SFMBT2: variants seen among roughly 807,000 people sequenced by gnomAD.
The protein encoded by SFMBT2 is Scm like with four mbt domains 2, also known as scm-like with four MBT domains protein 2.
A neutral mutation model predicts 110.1 loss-of-function variants in SFMBT2; 38 were observed. The ratio of observed to expected loss-of-function variants is 0.35; its 90% CI spans 0.27 to 0.45. The LOEUF is 0.45. Ranked by LOEUF, SFMBT2 falls within the 20% of genes least tolerant of loss-of-function variation. The probability of loss-of-function intolerance (pLI) is 1.00; values close to 1 mark genes in which losing one functional copy is unlikely to be tolerated. For synonymous variants in SFMBT2, 425 were observed against 425.4 expected (o/e 1.00, Z 0.01); for missense variants, 1,011 against 1,094.9 (o/e 0.92, Z 1.08).
In SFMBT2 at chr10:7,276,948, G is replaced by C. The variant is rs748506762; in HGVS notation, c.814C>G (p.Leu272Val). 1 of 872,942 alleles carries C rather than the reference G, an allele frequency of 1.1e-6. No individual in the cohort carries two copies. Among genetic ancestry groups the C allele is most frequent in the East Asian group, 2.4e-5 (1 of 41,708 alleles). 54.1% of individuals were successfully genotyped at this position (872,942 alleles called of 1,614,324 possible). The part of the protein sequence containing the change: ...LKMASEWKCT[L>V]EKSLIDAAKF... ...GCAGCATCAATAAGGGATTTTTCCA[G>C]AGTACATTTCCATTCAGAGGCCATC... Residue 272 changes from leucine (L) to valine (V), a missense_variant, in exon 7 of 21, where the codon CTG becomes GTG. Physicochemically the swap from Leu to Val is conservative, Grantham distance 32. Transcript: ENST00000397167.
intron 7 of SFMBT2, among the ~76,000 whole-genome samples, chr10:7,251,829 G>C (rs528123557): frequency 6.6e-6 from 1 of 152,242 alleles, no homozygotes; most frequent in South Asian, 2.1e-4. Context: ...CCAGCCACAG[G>C]CACAGGGTGA....
chr10:7,399,147 T>C (rs1396407480), intron 1 of SFMBT2, among the ~76,000 whole-genome samples: 1 of 152,230 alleles, frequency 6.6e-6, no homozygotes, highest in Admixed American at 6.5e-5. Flanking sequence ...CCCTCGCCTG[T>C]GGAGCCCTGC....
intron 4 of SFMBT2, among the ~76,000 whole-genome samples, chr10:7,296,993 G>T (rs1442299094): frequency 6.6e-6 from 1 of 152,182 alleles, no homozygotes; most frequent in South Asian, 2.1e-4. Flanking sequence ...CTGCCTGCTG[G>T]CCTGCCCAGT....
chr10:7,224,478 C>T (rs1471475040), intron 10 of SFMBT2, among the ~76,000 whole-genome samples: 1 of 152,118 alleles, frequency 6.6e-6, no homozygotes, highest in African/African-American at 2.4e-5. Flanking sequence ...CCAGAGAGAC[C>T]ATGAATTTTA....
rs1310390493 is a variant in SFMBT2 at position 7,161,660 on chromosome 10, A to G, written c.*2110T>C. ...CCTCCCATCTGAGGTCCCCAGGCAG[A>G]TGCATCAGCCGAACTCTAAAACTTG... On this transcript the variant is annotated 3_prime_UTR_variant, in exon 21 of 21. Transcript: ENST00000397167. The G allele has an allele frequency of 6.6e-6, 1 of 152,198 alleles. No homozygotes were observed. Among genetic ancestry groups the G allele is most frequent in the Non-Finnish European group, 1.5e-5 (1 of 68,034 alleles). 9.4% of individuals were successfully genotyped at this position (152,198 alleles called of 1,614,324 possible).
chr10:7,393,215 G>A (rs898933557), intron 1 of SFMBT2, among the ~76,000 whole-genome samples: 1 of 151,466 alleles, frequency 6.6e-6, no homozygotes, highest in Admixed American at 6.6e-5. Context: ...ATTTTTCGTA[G>A]AGACGGCATT....
intron 11 of SFMBT2, among the ~76,000 whole-genome samples, chr10:7,209,756 T>C (rs947450798): frequency 6.6e-6 from 1 of 152,254 alleles, no homozygotes. Flanking sequence ...AAGGAACCAG[T>C]TGGCTGGAGG....
intron 1 of SFMBT2, among the ~76,000 whole-genome samples, chr10:7,399,023 A>T (rs982442195): frequency 1.3e-5 from 2 of 152,206 alleles, no homozygotes; most frequent in African/African-American, 4.8e-5. Context: ...GATGCTTGAG[A>T]GGTGCCACAA....
intron 11 of SFMBT2, among the ~76,000 whole-genome samples, chr10:7,214,192 C>T (rs112090845): frequency 1.7e-4 from 26 of 152,186 alleles, no homozygotes; most frequent in Non-Finnish European, 2.6e-4. Flanking sequence ...AGAATATATG[C>T]GATCCTTCTT....
Position 7,314,150 on chromosome 10 carries a change from T to C in SFMBT2, c.437-28196A>G, listed in dbSNP as rs568869105. 4.6e-5 allele frequency among the ~76,000 whole-genome samples: 7 copies of C among 152,352 alleles called. No individual in the cohort carries two copies. The South Asian group carries it at 1.2e-3, about 27-fold the overall frequency. On this transcript the variant is annotated intron_variant, in intron 4 of 20. Coordinates refer to ENST00000397167, the MANE Select transcript of SFMBT2 (RefSeq NM_001387889.1). Reference sequence around the variant, plus strand: ...TTAGTAAGAGTCTAATTTAGAATCATTGCACGTTAGGATTTACTCTTATAT... The same window carrying C: ...TTAGTAAGAGTCTAATTTAGAATCACTGCACGTTAGGATTTACTCTTATAT...
intron 20 of SFMBT2, among the ~76,000 whole-genome samples, chr10:7,165,176 G>A (rs1287246077): frequency 2.0e-5 from 3 of 152,242 alleles, no homozygotes; most frequent in South Asian, 4.2e-4. Flanking sequence ...CAGTGGTACC[G>A]TGAGAGCATT....
chr10:7,340,736 G>C (rs946243672), intron 4 of SFMBT2, among the ~76,000 whole-genome samples: 3 of 148,732 alleles, frequency 2.0e-5, no homozygotes, highest in African/African-American at 7.5e-5. Context: ...TTAGGAGCCC[G>C]TCTGTGACCT....
chr10:7,359,705 C>G (rs1454631538), intron 4 of SFMBT2, among the ~76,000 whole-genome samples: 2 of 152,170 alleles, frequency 1.3e-5, no homozygotes, highest in East Asian at 1.9e-4. Context: ...AACTTCCAGA[C>G]CACATCTCTT....
At chr10:7,305,658 G>A (rs972811956) in intron 4 of SFMBT2, among the ~76,000 whole-genome samples, 2 of 152,240 alleles carry the variant, frequency 1.3e-5, no homozygotes, top group East Asian at 3.8e-4. Context: ...CTAACTGGCA[G>A]TCTGGGGCAG....
intron 4 of SFMBT2, among the ~76,000 whole-genome samples, chr10:7,331,949 G>A (rs1449122168): frequency 2.1e-5 from 3 of 145,222 alleles, no homozygotes; most frequent in Non-Finnish European, 3.0e-5. Context: ...GGCAGAGGTT[G>A]CACTGAGCCG....
At chr10:7,242,070 G>C (rs764264862) in intron 9 of SFMBT2, among the ~76,000 whole-genome samples, 6 of 152,132 alleles carry the variant, frequency 3.9e-5, no homozygotes, top group Non-Finnish European at 8.8e-5. Context: ...GGAAGCAAAG[G>C]AAGATGGCCC....
chr10:7,376,725 C>CA (rs1564465304), intron 2 of SFMBT2, among the ~76,000 whole-genome samples: 1 of 14,898 alleles, frequency 6.7e-5, no homozygotes, highest in Non-Finnish European at 1.3e-4. Context: ...AAGGCCCTCC[C>CA]ACAAAAAAAA....
chr10:7,358,253 C>T (rs1272968458), intron 4 of SFMBT2, among the ~76,000 whole-genome samples: 1 of 151,352 alleles, frequency 6.6e-6, no homozygotes, highest in Non-Finnish European at 1.5e-5. Flanking sequence ...GGCCCTAGAA[C>T]ACCTGCATGG....
intron 4 of SFMBT2, among the ~76,000 whole-genome samples, chr10:7,332,015 C>CAAAAAA (rs1491320070): frequency 2.2e-4 from 8 of 35,562 alleles, no homozygotes; most frequent in African/African-American, 3.8e-4. Flanking sequence ...GACTCTGTCT[C>CAAAAAA]AAAAAAAAAA....
Sources: gnomAD v4.1 joint callset for allele counts (sites outside exome capture counted in the v4.1 genomes callset) on GRCh38, gnomAD v4.1.1 for gene constraint, MANE v1.5 for transcripts, NCBI Gene and HGNC (gene_info 2026-07-23, HGNC 2026-07-21) for gene names.